The following F8 variants were observed in gnomAD, a reference collection of about 807,000 sequenced individuals.
F8 encodes the protein antihemophilic factor.
F8 carries 12 observed loss-of-function variants against 140.6 expected under a neutral mutation model. The ratio of observed to expected loss-of-function variants is 0.09; its 90% CI spans 0.05 to 0.14. F8 has a LOEUF of 0.14. F8 is among the 10% of genes least tolerant of loss of function. The pLI is 1.00. For synonymous variants in F8, 585 were observed against 614.6 expected, an observed-to-expected ratio of 0.95 and a Z score of 0.71; for missense variants, 1,354 against 1,720.7, an observed-to-expected ratio of 0.79 and a Z score of 3.77.
intron 10 of F8, among the ~76,000 whole-genome samples, chrX:154,959,513 A>G (rs1180454516): frequency 8.9e-6 from 1 of 112,896 alleles, no homozygotes; most frequent in African/African-American, 3.2e-5. Flanking sequence ...GTCTTACTTC[A>G]GGATACACCT....
At chrX:154,888,408 C>CTTTTTTTTT (rs1557274896) in intron 22 of F8, among the ~76,000 whole-genome samples, 1,309 of 52,838 alleles carry the variant, frequency 0.025, 94 homozygotes, top group African/African-American at 0.073. Flanking sequence ...TTTTTTTTTC[C>CTTTTTTTTT]CCCCGAGATG....
At chrX:154,986,807 C>T (rs1321777199) in intron 5 of F8, among the ~76,000 whole-genome samples, 3 of 111,568 alleles carry the variant, frequency 2.7e-5, no homozygotes, top group African/African-American at 9.8e-5. Context: ...TGAGGGCCTA[C>T]TCTATGCCAC....
chrX:154,996,383 C>T (rs1339639893), intron 3 of F8, among the ~76,000 whole-genome samples: 1 of 112,576 alleles, frequency 8.9e-6, no homozygotes, highest in Non-Finnish European at 1.9e-5. Context: ...ACATGATATA[C>T]ATGAAGTAGT....
chrX:154,961,311 T>C, intron 9 of F8, 143 bp from the exon 10 acceptor site: 1 of 456,273 alleles, frequency 2.2e-6, no homozygotes, highest in Non-Finnish European at 3.9e-6. Context: ...AAATATTTGG[T>C]CTTTTCATGA....
intron 6 of F8, among the ~76,000 whole-genome samples, chrX:154,981,013 G>A (rs1319472622): frequency 8.9e-6 from 1 of 111,993 alleles, no homozygotes; most frequent in Admixed American, 9.4e-5. Flanking sequence ...TAGCACGAGA[G>A]GGCGCCCTGA....
chrX:154,948,755 T>C (rs1252703145), intron 12 of F8, among the ~76,000 whole-genome samples: 2 of 112,254 alleles, frequency 1.8e-5, no homozygotes, highest in African/African-American at 6.5e-5. Context: ...GTCTACTCTG[T>C]TACTAGGTAC....
At position 154,998,316 on chromosome X, in the gene F8, C is replaced by A. The variant is rs1333671276; in HGVS notation, c.265+1163G>T. Among the ~76,000 whole-genome samples the A allele has an allele frequency of 2.7e-5, 3 of 113,172 alleles. No homozygotes were observed. The Admixed American group carries it at 2.8e-4, about 11-fold the overall frequency. ...TGTTTTGGCAGCTTCGCTGCTTTCC[C>A]ACCTTCCTCTCCTAATCTTCCTCCC... On this transcript the variant is annotated intron_variant, in intron 2 of 25. Transcript: ENST00000360256.
intron 12 of F8, among the ~76,000 whole-genome samples, chrX:154,952,314 G>C (rs782302525): frequency 9.0e-6 from 1 of 111,251 alleles, no homozygotes; most frequent in Non-Finnish European, 1.9e-5. Flanking sequence ...GCAACTCAAA[G>C]GACTAAACAA....
chrX:155,016,166 G>A (rs1413812861), intron 1 of F8, among the ~76,000 whole-genome samples: 1 of 110,279 alleles, frequency 9.1e-6, no homozygotes, highest in Non-Finnish European at 1.9e-5. Context: ...GAGCCTAGGA[G>A]GCAGATGTTG....
chrX:154,906,639 C>T, intron 14 of F8, 66 bp from the exon 15 acceptor site: 2 of 1,040,621 alleles, frequency 1.9e-6, no homozygotes, highest in Non-Finnish European at 2.7e-6. Flanking sequence ...TGCCTCACAT[C>T]CTCATTTTCC....
intron 22 of F8, among the ~76,000 whole-genome samples, chrX:154,875,774 T>TGTGTAG (rs1491343653): frequency 1.0e-5 from 1 of 95,629 alleles, no homozygotes; most frequent in African/African-American, 4.1e-5. Flanking sequence ...TGTGTGTGTG[T>TGTGTAG]AGAGAGAGAG....
chrX:155,006,916 A>G (rs1229023980), intron 1 of F8, among the ~76,000 whole-genome samples: 1 of 67,278 alleles, frequency 1.5e-5, no homozygotes, highest in East Asian at 4.7e-4. Context: ...GAAACTGCAG[A>G]CCTCTCTCAA....
At chrX:154,914,943 T>G (rs1356948312) in intron 14 of F8, among the ~76,000 whole-genome samples, 1 of 111,755 alleles carries the variant, frequency 8.9e-6, no homozygotes, top group African/African-American at 3.3e-5. Context: ...ATTAGTCTGT[T>G]CTCATACTGC....
chrX:154,947,876 C>A lies in F8; in HGVS notation c.1935G>T (p.Gln645His). 1 of 1,211,167 alleles carries A rather than the reference C, an allele frequency of 8.3e-7. No homozygotes were observed. Among genetic ancestry groups the A allele is most frequent in the Non-Finnish European group, 1.1e-6 (1 of 895,005 alleles). ...SINGYVFDSL[Q>H]LSVCLHEVAY... ...CCACCTCATGCAAACAAACTGACAA[C>A]TGCAAACTATCAAAAACATAGCCAT... The change falls in exon 13 of 26, where the codon CAG becomes CAT. Residue 645 changes from glutamine (Q) to histidine (H), a missense_variant. Transcript: ENST00000360256.
intron 14 of F8, among the ~76,000 whole-genome samples, chrX:154,917,433 G>T (rs2073103772): frequency 9.0e-6 from 1 of 111,225 alleles, no homozygotes; most frequent in Non-Finnish European, 1.9e-5. Flanking sequence ...GTCTTATTTG[G>T]GTTGAATCTG....
At chrX:154,961,202 T>C (rs968586404) in intron 9 of F8, 34 bp from the exon 10 acceptor site, 9 of 935,100 alleles carry the variant, frequency 9.6e-6, no homozygotes, top group Middle Eastern at 2.7e-4. Flanking sequence ...GATCAAATCC[T>C]AAAACGACTA....
At chrX:154,954,252 G>C (rs1557280990) in intron 11 of F8, among the ~76,000 whole-genome samples, 3 of 111,702 alleles carry the variant, frequency 2.7e-5, no homozygotes. Context: ...TGTGTCCCCA[G>C]GACAAGAGGG....
intron 14 of F8, among the ~76,000 whole-genome samples, chrX:154,921,361 T>C (rs1186925630): frequency 9.0e-6 from 1 of 111,703 alleles, no homozygotes; most frequent in Non-Finnish European, 1.9e-5. Flanking sequence ...ATGGCGATCA[T>C]TAAAAAGTCA....
intron 3 of F8, among the ~76,000 whole-genome samples, chrX:154,995,728 T>A (rs1381318935): frequency 8.9e-6 from 1 of 112,721 alleles, no homozygotes; most frequent in African/African-American, 3.2e-5. Flanking sequence ...ATGTATTTCG[T>A]TTAACCTAGT....
Sources: gnomAD v4.1 joint callset for allele counts (sites outside exome capture counted in the v4.1 genomes callset) on GRCh38, gnomAD v4.1.1 for gene constraint, MANE v1.5 for transcripts, NCBI Gene and HGNC (gene_info 2026-07-23, HGNC 2026-07-21) for gene names.